Variants in MMP26 observed in about 807,000 individuals in gnomAD.
MMP26 encodes matrix metallopeptidase 26.
Under a neutral mutation model 31.0 loss-of-function variants are expected in MMP26, and 33 were observed. That is an observed-to-expected ratio of 1.06 (90% CI 0.81 to 1.42). MMP26 has a LOEUF of 1.42. MMP26 is among the 40% of genes most tolerant of loss of function. The pLI, the probability that MMP26 is intolerant of heterozygous loss-of-function variation, is 0.00. For missense variants in MMP26, 347 were observed against 316.1 expected (o/e 1.10, Z -0.74); for synonymous variants, 122 against 114.9 (o/e 1.06, Z -0.40).
At chr11:4,841,357 A>C (rs1849793245) in intron 2 of MMP26, among the ~76,000 whole-genome samples, 1 of 152,278 alleles carries the variant, frequency 6.6e-6, no homozygotes, top group African/African-American at 2.4e-5. Flanking sequence ...CCAAAATAAC[A>C]CCTCAAAGCA....
intron 2 of MMP26, among the ~76,000 whole-genome samples, chr11:4,917,981 A>G (rs1346436281): frequency 1.3e-5 from 2 of 151,380 alleles, no homozygotes; most frequent in Non-Finnish European, 2.9e-5. Flanking sequence ...TTGACATTAA[A>G]ATGAAATAGG....
chr11:4,898,553 T>C (rs996198795), intron 2 of MMP26, among the ~76,000 whole-genome samples: 4 of 152,116 alleles, frequency 2.6e-5, no homozygotes, highest in African/African-American at 9.7e-5. Flanking sequence ...ATTGTTTCTA[T>C]GGGGATTAAT....
chr11:4,779,541 A>G (rs1848831942), intron 2 of MMP26, among the ~76,000 whole-genome samples: 1 of 125,640 alleles, frequency 8.0e-6, no homozygotes, highest in Non-Finnish European at 1.9e-5. Flanking sequence ...TGTTTGTACA[A>G]TTAGTATTTT....
At chr11:4,849,121 C>A in intron 2 of MMP26, 2 of 1,614,084 alleles carry the variant, frequency 1.2e-6, no homozygotes, top group Non-Finnish European at 1.7e-6. Flanking sequence ...GAGGGTGCAC[C>A]TGATAGGCCT....
intron 1 of MMP26, among the ~76,000 whole-genome samples, chr11:4,707,361 T>C (rs2133262019): frequency 6.6e-6 from 1 of 152,322 alleles, no homozygotes; most frequent in South Asian, 2.1e-4. Context: ...CCTTTGTCCC[T>C]TTTTAAATTG....
At chr11:4,854,009 G>T (rs1182135449) in intron 2 of MMP26, among the ~76,000 whole-genome samples, 1 of 152,304 alleles carries the variant, frequency 6.6e-6, no homozygotes, top group East Asian at 1.9e-4. Context: ...TAGAAAAAAG[G>T]ACAAAAATTG....
intron 2 of MMP26, among the ~76,000 whole-genome samples, chr11:4,982,157 AATG>A (rs1412054980): frequency 6.6e-6 from 1 of 152,018 alleles, no homozygotes; most frequent in Non-Finnish European, 1.5e-5. Flanking sequence ...GTACACTCTG[AATG>A]ATAAAATTTT....
intron 2 of MMP26, chr11:4,890,257 A>T (rs1160517142): frequency 6.5e-6 from 1 of 153,510 alleles, no homozygotes; most frequent in Non-Finnish European, 1.5e-5. Context: ...AGCACTGAGG[A>T]CTCCATATCT....
At chr11:4,907,396 C>T (rs749985609) in intron 2 of MMP26, 1 of 1,613,522 alleles carries the variant, frequency 6.2e-7, no homozygotes, top group East Asian at 2.2e-5. Context: ...ACTCCGAAGT[C>T]AAGCTTTTCC....
intron 2 of MMP26, among the ~76,000 whole-genome samples, chr11:4,842,579 C>A (rs1048469760): frequency 2.6e-5 from 4 of 152,186 alleles, no homozygotes; most frequent in African/African-American, 4.8e-5. Flanking sequence ...ATCATGAGAA[C>A]AGCATGATTT....
intron 2 of MMP26, among the ~76,000 whole-genome samples, chr11:4,802,207 T>C (rs574312793): frequency 6.6e-6 from 1 of 152,370 alleles, no homozygotes; most frequent in Admixed American, 6.5e-5. Flanking sequence ...GAATTGCAGG[T>C]ATTCATTGTT....
At chr11:4,819,838 C>T (rs1159132948) in intron 2 of MMP26, among the ~76,000 whole-genome samples, 1 of 152,018 alleles carries the variant, frequency 6.6e-6, no homozygotes, top group Non-Finnish European at 1.5e-5. Flanking sequence ...CCTCGACCTC[C>T]CAAAGTGTTG....
At chr11:4,989,562 C>T in intron 3 of MMP26, 86 bp from the exon 4 acceptor site, 2 of 1,056,226 alleles carry the variant, frequency 1.9e-6, no homozygotes, top group Admixed American at 4.2e-5. Context: ...CCTTCTGAGA[C>T]CCTCAAAGAA....
intron 5 of MMP26, among the ~76,000 whole-genome samples, chr11:4,990,998 T>C (rs1454033507): frequency 6.6e-6 from 1 of 152,206 alleles, no homozygotes. Flanking sequence ...AAAAAGACGA[T>C]GCATAGCTCC....
At chr11:4,735,516 T>C (rs1848228195) in intron 1 of MMP26, among the ~76,000 whole-genome samples, 2 of 152,234 alleles carry the variant, frequency 1.3e-5, no homozygotes, top group African/African-American at 2.4e-5. Context: ...GTTCCCAGGC[T>C]GGATTTAACA....
In MMP26 at chr11:4,900,596, G is replaced by C. The variant is rs557555721; in HGVS notation, c.-144-87472G>C. ...CTGAGGTTGCTTATATCAGAATCTA[G>C]CTGATATAAATTGTCAGGTCCACTC... On this transcript the variant is annotated intron_variant, in intron 2 of 7. Transcript: ENST00000380390. Among the ~76,000 whole-genome samples the C allele has an allele frequency of 4.3e-4, 65 of 152,216 alleles. No individual in the cohort carries two copies. The South Asian group carries it at 0.014, about 32-fold the overall frequency.
intron 1 of MMP26, among the ~76,000 whole-genome samples, chr11:4,753,575 T>G (rs1848472846): frequency 6.6e-6 from 1 of 152,130 alleles, no homozygotes; most frequent in Non-Finnish European, 1.5e-5. Context: ...GATTTTCCTT[T>G]ATTTGCTCTT....
At chr11:4,789,162 G>A (rs78674520) in intron 2 of MMP26, among the ~76,000 whole-genome samples, 1 of 152,166 alleles carries the variant, frequency 6.6e-6, no homozygotes, top group Non-Finnish European at 1.5e-5. Context: ...GACATGTGGG[G>A]ATGTTGAATA....
At position 4,990,709 on chromosome 11, in the gene MMP26, T is replaced by A. The variant is rs148591000; in HGVS notation, c.432T>A (p.Asn144Lys). The change falls in exon 5 of 8, where the codon AAT becomes AAA. Residue 144 changes from asparagine to lysine, a missense_variant. Asn to Lys is a moderately conservative substitution (Grantham distance 94). Coordinates refer to ENST00000380390, the MANE Select transcript of MMP26 (RefSeq NM_021801.5). The stretch of plus-strand genomic sequence containing the variant: ...CTTTGATATTCCAGCAAGTGCAGAA[T>A]GGAGATGCAGACATCAAGGTTTCTT... ...VTPLIFQQVQ[N>K]GDADIKVSFW... is the part of the protein sequence containing the mutation. 3 of 1,614,018 alleles carry A rather than the reference T, an allele frequency of 1.9e-6. No homozygotes were observed. The highest frequency in any genetic ancestry group is 2.5e-6 in the Non-Finnish European group (3 of 1,180,002).
Sources: gnomAD v4.1 joint callset for allele counts (sites outside exome capture counted in the v4.1 genomes callset) on GRCh38, gnomAD v4.1.1 for gene constraint, MANE v1.5 for transcripts, NCBI Gene and HGNC (gene_info 2026-07-23, HGNC 2026-07-21) for gene names.